Variants in ZNF341 observed in about 807,000 individuals in gnomAD.
ZNF341 encodes zinc finger protein 341.
A neutral mutation model predicts 87.7 loss-of-function variants in ZNF341; 52 were observed. That is an observed-to-expected ratio of 0.59 (90% CI 0.47 to 0.75). The LOEUF is 0.75. Ranked by LOEUF, ZNF341 falls within the 30% of genes least tolerant of loss-of-function variation. ZNF341 has a pLI of 0.00. For missense variants in ZNF341, 977 were observed against 1,145.9 expected (o/e 0.85, Z 2.13); for synonymous variants, 459 against 472.7 (o/e 0.97, Z 0.38).
chr20:33,764,287 A>G (rs1458759747), intron 8 of ZNF341, among the ~76,000 whole-genome samples: 1 of 150,528 alleles, frequency 6.6e-6, no homozygotes, highest in African/African-American at 2.4e-5. Context: ...TCGGCCTCCC[A>G]AAGTGCTGGG....
intron 1 of ZNF341, 87 bp from the exon 2 acceptor site, chr20:33,740,815 G>T: frequency 1.6e-6 from 2 of 1,217,964 alleles, no homozygotes; most frequent in East Asian, 2.4e-5. Flanking sequence ...GCCGCCACAG[G>T]GGTTTTGCCT....
chr20:33,768,006 G>A (rs1435920336), intron 9 of ZNF341, among the ~76,000 whole-genome samples: 3 of 152,094 alleles, frequency 2.0e-5, no homozygotes, highest in Non-Finnish European at 4.4e-5. Context: ...AATTTCTCCT[G>A]GGAAGCTTTT....
At chr20:33,742,541 C>G (rs1487343301) in intron 2 of ZNF341, among the ~76,000 whole-genome samples, 1 of 151,984 alleles carries the variant, frequency 6.6e-6, no homozygotes, top group African/African-American at 2.4e-5. Context: ...GTCTCGAACT[C>G]CTGACCTCAG....
chr20:33,755,712 C>T (rs2019162436), intron 5 of ZNF341, among the ~76,000 whole-genome samples: 1 of 151,732 alleles, frequency 6.6e-6, no homozygotes, highest in Non-Finnish European at 1.5e-5. Context: ...CCCACCTCAG[C>T]CTCCTGAGTA....
chr20:33,787,637 C>T (rs6059466), intron 12 of ZNF341: 4 of 152,068 alleles, frequency 2.6e-5, no homozygotes, highest in South Asian at 2.1e-4. Context: ...TGCCCCAGGA[C>T]GGGTTTAACA....
Position 33,791,054 on chromosome 20 carries a change from A to T in ZNF341, c.2102A>T (p.His701Leu). The change falls in exon 15 of 15, where the codon CAT becomes CTT. Residue 701 changes from histidine to leucine, a missense_variant. Physicochemically the swap from His to Leu is moderately conservative, Grantham distance 99. Transcript: ENST00000375200. The stretch of plus-strand genomic sequence containing the variant: ...AGCCGCCGTGCCCACCTCGCCGAGC[A>T]TCAGCGCGCCCACACGGGCAACTAC... ...SFSRRAHLAE[H>L]QRAHTGNYKF... 1.2e-6 allele frequency: 2 copies of T among 1,613,538 alleles called. No individual in the cohort carries two copies. Among genetic ancestry groups the T allele is most frequent in the Non-Finnish European group, 1.7e-6 (2 of 1,180,032 alleles).
At chr20:33,737,523 G>A (rs6088286) in intron 1 of ZNF341, among the ~76,000 whole-genome samples, 13,134 of 151,914 alleles carry the variant, frequency 0.086, 587 homozygotes, top group East Asian at 0.17. Flanking sequence ...GGGTTTTACC[G>A]TATTAGCCAG....
rs548925931 is a variant in ZNF341 at position 33,757,940 on chromosome 20, G to A, written c.937+597G>A. 3.3e-5 allele frequency among the ~76,000 whole-genome samples: 5 copies of A among 152,262 alleles called. No homozygotes were observed. The South Asian group carries it at 1.0e-3, about 32-fold the overall frequency. Reference sequence around the variant, plus strand: ...CCATCCTAATGCAGATGCTAAGTATGGGGTGGGAGGTGGTGTCAGAGCAGG... The same window carrying A: ...CCATCCTAATGCAGATGCTAAGTATAGGGTGGGAGGTGGTGTCAGAGCAGG... On this transcript the variant is annotated intron_variant, in intron 6 of 14. Transcript: ENST00000375200.
chr20:33,778,169 C>A (rs1392864012), intron 10 of ZNF341, among the ~76,000 whole-genome samples: 1 of 152,152 alleles, frequency 6.6e-6, no homozygotes, highest in African/African-American at 2.4e-5. Flanking sequence ...CCAAACCCAG[C>A]CCCTGAAGCA....
chr20:33,764,561 A>ATATATATATATT (rs1266929824), intron 8 of ZNF341, among the ~76,000 whole-genome samples: 1 of 28,412 alleles, frequency 3.5e-5, no homozygotes, highest in Non-Finnish European at 6.7e-5. Context: ...ATATATATAT[A>ATATATATATATT]TTTTTTTTTT....
intron 13 of ZNF341, 146 bp downstream of exon 13, chr20:33,789,120 G>A: frequency 1.6e-6 from 1 of 634,570 alleles, no homozygotes; most frequent in Non-Finnish European, 2.7e-6. Context: ...CTGTCATCCA[G>A]GCTGGAGTGC....
At chr20:33,766,174 C>T (rs551564447) in intron 8 of ZNF341, among the ~76,000 whole-genome samples, 4 of 151,792 alleles carry the variant, frequency 2.6e-5, no homozygotes, top group Non-Finnish European at 4.4e-5. Context: ...TGTGAGCCAC[C>T]GCACCTGGTG....
chr20:33,767,189 G>A, intron 9 of ZNF341, 148 bp downstream of exon 9: 1 of 989,988 alleles, frequency 1.0e-6, no homozygotes, highest in Non-Finnish European at 1.5e-6. Context: ...ATTCCGAGCA[G>A]GGGATTGATG....
intron 5 of ZNF341, among the ~76,000 whole-genome samples, chr20:33,756,407 C>T (rs1002655556): frequency 6.6e-5 from 10 of 151,280 alleles, no homozygotes; most frequent in Non-Finnish European, 1.5e-4. Context: ...CACTCCATCG[C>T]CCAGGCTGGA....
intron 10 of ZNF341, among the ~76,000 whole-genome samples, chr20:33,774,075 T>C (rs2122712455): frequency 6.8e-6 from 1 of 147,476 alleles, no homozygotes; most frequent in Admixed American, 6.9e-5. Flanking sequence ...AGGTCAGGAG[T>C]TTGAGACCAG....
rs893340267 is a variant in ZNF341, at chr20:33,767,011, G to A, written c.1383G>A (p.Lys461=). Residue 461 remains lysine, a synonymous_variant, in exon 9 of 15, where the codon AAG becomes AAA. Transcript: ENST00000375200. ...AATTCAGCACCTACTTCCAGCTCAAGTCTCACATGACCCAGCATAAGAATG... is the reference window on the plus strand; with the variant it reads ...AATTCAGCACCTACTTCCAGCTCAAATCTCACATGACCCAGCATAAGAATG... The part of the protein sequence containing the change: ...PSKFSTYFQL[K]SHMTQHKNEQ... 87 of 1,613,844 alleles carry A rather than the reference G, an allele frequency of 5.4e-5. No individual in the cohort carries two copies. Among genetic ancestry groups the A allele is most frequent in the Admixed American group, 1.2e-4 (7 of 59,994 alleles).
chr20:33,755,389 T>G (rs1224853226), intron 5 of ZNF341, among the ~76,000 whole-genome samples: 1 of 152,146 alleles, frequency 6.6e-6, no homozygotes, highest in Non-Finnish European at 1.5e-5. Context: ...CTCCATCTCC[T>G]GGCCTCAAGT....
rs987741752 is a variant in ZNF341 at position 33,732,450 on chromosome 20, G to A, written c.31+398G>A. Among the ~76,000 whole-genome samples, 7 of 152,064 alleles carry A rather than the reference G, an allele frequency of 4.6e-5. No homozygotes were observed. The highest frequency in any genetic ancestry group is 7.2e-5 in the African/African-American group (3 of 41,448). ...GGACGGGGGTGCGGTCGCAGCTGCG[G>A]GCAGGAGGGCCTCGGCGGCCTGACC... On this transcript the variant is annotated intron_variant, in intron 1 of 14. Transcript: ENST00000375200. The surrounding 1 kb of genome is among the most constrained non-coding windows in gnomAD (Gnocchi z 4.5).
chr20:33,782,639 A>T (rs2019767695), intron 11 of ZNF341, among the ~76,000 whole-genome samples: 1 of 152,200 alleles, frequency 6.6e-6, no homozygotes, highest in Admixed American at 6.6e-5. Context: ...TGACTAGAGG[A>T]TAGGTGTACT....
Sources: allele counts gnomAD v4.1 joint callset (sites outside exome capture counted in the v4.1 genomes callset), GRCh38; gene constraint gnomAD v4.1.1; non-coding constraint Gnocchi (gnomAD v3.1); transcripts MANE v1.5; gene names NCBI Gene and HGNC (gene_info 2026-07-23, HGNC 2026-07-21).